IVNS1ABP: variants seen among roughly 807,000 people sequenced by gnomAD.
The protein encoded by IVNS1ABP is influenza virus NS1A-binding protein.
In IVNS1ABP, 25 loss-of-function variants were observed where a neutral mutation model predicts 78.9. That is an observed-to-expected ratio of 0.32 (90% CI 0.23 to 0.44). The LOEUF (loss-of-function observed/expected upper bound fraction) is 0.44. Ranked by LOEUF, IVNS1ABP falls within the 20% of genes least tolerant of loss-of-function variation. The pLI is 1.00. For synonymous variants in IVNS1ABP, 241 were observed against 259.7 expected (o/e 0.93, Z 0.69); for missense variants, 494 against 768.9 (o/e 0.64, Z 4.23).
rs988507151 is a variant in IVNS1ABP, at chr1:185,300,563, T to TA, written c.1121-6dup. 5 of 1,611,734 alleles carry TA rather than the reference T, an allele frequency of 3.1e-6. No homozygotes were observed. The highest frequency in any genetic ancestry group is 2.2e-5 in the East Asian group (1 of 44,876). On this transcript the variant is annotated splice_region_variant and splice_polypyrimidine_tract_variant and intron_variant, in intron 10 of 14. Coordinates refer to ENST00000367498, the MANE Select transcript of IVNS1ABP (RefSeq NM_006469.5). ...ATTCCTCTCTGTTATAGCCACCTGGTAAAAAATAAAACCATAAAGATTTAT... is the reference window on the plus strand; with the variant it reads ...ATTCCTCTCTGTTATAGCCACCTGGTAAAAAAATAAAACCATAAAGATTTAT...
Position 185,305,622 on chromosome 1 carries a change from C to A in IVNS1ABP, c.679G>T (p.Ala227Ser). ...TTCCCATCAAGCAGCTTGTGATCAG[C>A]TGAGTAGTACAAGGTTTGAACCTGC... ...MEEVQTLYYS[A>S]DHKLLDGNLL... The change falls in exon 8 of 15, where the codon GCT (alanine) becomes TCT (serine). Residue 227 changes from alanine (A) to serine (S), a missense_variant. Physicochemically the swap from Ala to Ser is moderately conservative, Grantham distance 99 (BLOSUM62 1). Transcript: ENST00000367498. This position sits in a 1 kb window ranked among gnomAD's most constrained non-coding sequence, Gnocchi z 4.0. 1 of 1,613,214 alleles carries A rather than the reference C, an allele frequency of 6.2e-7. No homozygotes were observed. The highest frequency in any genetic ancestry group is 8.5e-7 in the Non-Finnish European group (1 of 1,179,522).
intron 1 of IVNS1ABP, among the ~76,000 whole-genome samples, chr1:185,314,213 C>T (rs529127271): frequency 1.3e-5 from 2 of 152,306 alleles, no homozygotes; most frequent in South Asian, 4.1e-4. Flanking sequence ...CCACCATCAC[C>T]ATCCATGTAT....
chr1:185,308,916 A>ATGTGTTTT (rs749351463), intron 4 of IVNS1ABP, 41 bp from the exon 5 acceptor site: 1 of 1,578,742 alleles, frequency 6.3e-7, no homozygotes, highest in Non-Finnish European at 8.6e-7. Flanking sequence ...AAAGCCTTAA[A>ATGTGTTTT]ACACACTTAA....
Position 185,308,811 on chromosome 1 carries a change from G to A in IVNS1ABP, c.346C>T (p.Arg116Ter). The A allele has an allele frequency of 1.2e-6, 2 of 1,607,570 alleles. No individual in the cohort carries two copies. Among genetic ancestry groups the A allele is most frequent in the Non-Finnish European group, 1.7e-6 (2 of 1,178,124 alleles). ...YSAAKKLKMDRVKQVCGDYLL... is the reference protein window; with the variant it reads ...YSAAKKLKMD ...TTCTGATACTCTACCTGCTTTACTC[G>A]ATCCATCTTCAGCTTTTTTGCTGCA... The change falls in exon 5 of 15, where the codon CGA becomes TGA. Residue 116 changes from arginine (R) to a stop codon, truncating the protein, a stop_gained. Transcript: ENST00000367498. LOFTEE classifies it high-confidence loss of function.
intron 1 of IVNS1ABP, among the ~76,000 whole-genome samples, chr1:185,313,320 T>G (rs534246432): frequency 3.3e-5 from 5 of 152,312 alleles, no homozygotes; most frequent in African/African-American, 1.2e-4. Flanking sequence ...TGATTTTTAG[T>G]ACATCAAGGT....
chr1:185,304,145 TCTCA>T (rs1483713076), intron 8 of IVNS1ABP, among the ~76,000 whole-genome samples: 6 of 152,104 alleles, frequency 3.9e-5, no homozygotes, highest in African/African-American at 1.4e-4. Flanking sequence ...TTCTCTCCTG[TCTCA>T]CTGTGTCCTC....
At chr1:185,304,101 T>C (rs1665670308) in intron 8 of IVNS1ABP, among the ~76,000 whole-genome samples, 1 of 152,088 alleles carries the variant, frequency 6.6e-6, no homozygotes, top group Non-Finnish European at 1.5e-5. Flanking sequence ...CTAACACTGC[T>C]CAAAAGTTAC....
rs1665443965 is a variant in IVNS1ABP at position 185,297,230 on chromosome 1, A to G, written c.*805T>C. 1 of 152,168 alleles carries G rather than the reference A, an allele frequency of 6.6e-6. No homozygotes were observed. The highest frequency in any genetic ancestry group is 1.5e-5 in the Non-Finnish European group (1 of 68,016). 9.4% of individuals were successfully genotyped at this position (152,168 alleles called of 1,614,324 possible). On this transcript the variant is annotated 3_prime_UTR_variant, in exon 15 of 15. Transcript: ENST00000367498. Reference sequence around the variant, plus strand: ...TATAATGTCTTGCTATATAAAACATACCCTCAACAAGTCAAAATATTTAAA... The same window carrying G: ...TATAATGTCTTGCTATATAAAACATGCCCTCAACAAGTCAAAATATTTAAA...
At chr1:185,308,738 C>T in intron 5 of IVNS1ABP, 62 bp downstream of exon 5, 1 of 1,197,782 alleles carries the variant, frequency 8.3e-7, no homozygotes, top group Non-Finnish European at 1.2e-6. Flanking sequence ...ATGACAAATT[C>T]AGCATTGCAA....
In IVNS1ABP at chr1:185,309,411, C is replaced by G. The variant is rs763760099; in HGVS notation, c.83G>C (p.Ser28Thr). The change falls in exon 3 of 15, where the codon AGT becomes ACT. Residue 28 changes from serine to threonine, a missense_variant. Physicochemically the swap from Ser to Thr is moderately conservative, Grantham distance 58. Coordinates refer to ENST00000367498, the MANE Select transcript of IVNS1ABP (RefSeq NM_006469.5). ...AAGTCGAACATCACAGAACTGGCCA[C>G]TTTTCCTCAGGGCATTTAATTTGGC... ...SVAKLNALRK[S>T]GQFCDVRLQV... is the part of the protein sequence containing the mutation. The G allele has an allele frequency of 4.3e-6, 7 of 1,612,104 alleles. No homozygotes were observed. Among genetic ancestry groups the G allele is most frequent in the African/African-American group, 2.7e-5 (2 of 74,842 alleles).
Position 185,301,530 on chromosome 1 carries a change from T to C in IVNS1ABP, c.799A>G (p.Ile267Val), listed in dbSNP as rs765675336. The change falls in exon 9 of 15, where the codon ATA (isoleucine) becomes GTA (valine). Residue 267 changes from isoleucine (I) to valine (V), a missense_variant. Coordinates refer to ENST00000367498, the MANE Select transcript of IVNS1ABP (RefSeq NM_006469.5). ...KPPRENGHKQISSSSTGCLSS... is the reference protein window; with the variant it reads ...KPPRENGHKQVSSSSTGCLSS... ...AGACATCCAGTTGAACTGCTACTTA[T>C]CTGCTTATGGCCATTCTCACGTGGT... The C allele has an allele frequency of 6.2e-7, 1 of 1,613,212 alleles. No individual in the cohort carries two copies. The highest frequency in any genetic ancestry group is 8.5e-7 in the Non-Finnish European group (1 of 1,179,390).
At position 185,298,129 on chromosome 1, in the gene IVNS1ABP, C is replaced by T; in HGVS notation, c.1835G>A (p.Gly612Glu). The change falls in exon 15 of 15, where the codon GGA (glycine) becomes GAA (glutamate). Residue 612 changes from glycine to glutamate, a missense_variant. Physicochemically the swap from Gly to Glu is moderately conservative, Grantham distance 98 (BLOSUM62 -2). Transcript: ENST00000367498. This position sits in a 1 kb window ranked among gnomAD's most constrained non-coding sequence, Gnocchi z 4.1. ...ATVGNTIYAV[G>E]GFDGNEFLNT... ...CAGAAATTCATTGCCATCGAATCCTCCCACTGCATAAATGGTGTTCCCTAC... is the reference window on the plus strand; with the variant it reads ...CAGAAATTCATTGCCATCGAATCCTTCCACTGCATAAATGGTGTTCCCTAC... 6.2e-7 allele frequency: 1 copy of T among 1,613,806 alleles called. No homozygotes were observed. Among genetic ancestry groups the T allele is most frequent in the Non-Finnish European group, 8.5e-7 (1 of 1,179,818 alleles).
intron 2 of IVNS1ABP, 48 bp downstream of exon 2, chr1:185,311,047 A>G (rs536294757): frequency 8.8e-6 from 3 of 342,152 alleles, no homozygotes; most frequent in Admixed American, 9.6e-5. Flanking sequence ...CCGTCTTCAG[A>G]AAAACAATGT....
At chr1:185,301,814 A>T (rs1435093308) in intron 8 of IVNS1ABP, 4 of 275,808 alleles carry the variant, frequency 1.5e-5, no homozygotes, top group Non-Finnish European at 2.7e-5. Context: ...TAACAATTTG[A>T]AAAACATGTT....
At chr1:185,299,552 T>G (rs1665512114) in intron 14 of IVNS1ABP, 158 bp downstream of exon 14, 3 of 706,988 alleles carry the variant, frequency 4.2e-6, no homozygotes, top group Admixed American at 2.3e-5. Flanking sequence ...AAAATATATT[T>G]CTAAAGGACA....
intron 6 of IVNS1ABP, 126 bp downstream of exon 6, chr1:185,307,363 G>T (rs1665765837): frequency 2.2e-6 from 2 of 903,890 alleles, no homozygotes; most frequent in Non-Finnish European, 1.7e-6. Context: ...CCATTACGCT[G>T]CTAAGAATAA....
chr1:185,297,335 T>C lies in IVNS1ABP; in HGVS notation c.*700A>G, dbSNP rs1232823424. ...TCAAATAAATGTTAGTACTGCATTC[T>C]TGAAGGAAAAAAACTGCAGCCAAGG... On this transcript the variant is annotated 3_prime_UTR_variant, in exon 15 of 15. Coordinates refer to ENST00000367498, the MANE Select transcript of IVNS1ABP (RefSeq NM_006469.5). 6.6e-6 allele frequency: 1 copy of C among 152,112 alleles called. No homozygotes were observed. The highest frequency in any genetic ancestry group is 1.5e-5 in the Non-Finnish European group (1 of 68,010). 9.4% of individuals were successfully genotyped at this position (152,112 alleles called of 1,614,324 possible). A position where few individuals can be genotyped will look rare whatever the true frequency, so the allele number is the denominator to read the frequency against.
At chr1:185,306,989 G>A (rs752543091) in intron 7 of IVNS1ABP, 25 bp downstream of exon 7, 3 of 1,607,518 alleles carry the variant, frequency 1.9e-6, no homozygotes, top group Non-Finnish European at 2.6e-6. Flanking sequence ...AAAAATGGTT[G>A]AATCCCATTT....
At chr1:185,304,362 G>A (rs1209824243) in intron 8 of IVNS1ABP, among the ~76,000 whole-genome samples, 1 of 151,996 alleles carries the variant, frequency 6.6e-6, no homozygotes, top group East Asian at 1.9e-4. Context: ...GAGTTAAGGG[G>A]GAAAATATCC....
Sources: gnomAD v4.1 joint callset for allele counts (sites outside exome capture counted in the v4.1 genomes callset) on GRCh38, gnomAD v4.1.1 for gene constraint, Gnocchi (gnomAD v3.1) non-coding constraint, MANE v1.5 for transcripts, NCBI Gene and HGNC (gene_info 2026-07-23, HGNC 2026-07-21) for gene names.